The following PCSK5 variants were observed in gnomAD, a reference collection of about 807,000 sequenced individuals.
The protein encoded by PCSK5 is proprotein convertase subtilisin/kexin type 5, also known as prohormone convertase 5.
A neutral mutation model predicts 233.2 loss-of-function variants in PCSK5; 129 were observed. That is an observed-to-expected ratio of 0.55 (90% CI 0.48 to 0.64). The LOEUF (loss-of-function observed/expected upper bound fraction) is 0.64, where lower values mean the gene tolerates loss of function less well. Among genes scored for constraint, PCSK5 ranks in the 30% least tolerant of loss-of-function variants. The pLI, the probability that PCSK5 is intolerant of heterozygous loss-of-function variation, is 0.00. For missense variants in PCSK5, 2,076 were observed against 2,430.1 expected, an observed-to-expected ratio of 0.85 and a Z score of 3.06; for synonymous variants, 825 against 879.2, an observed-to-expected ratio of 0.94 and a Z score of 1.09.
At chr9:76,348,466 C>T (rs550406573) in intron 35 of PCSK5, among the ~76,000 whole-genome samples, 4 of 152,080 alleles carry the variant, frequency 2.6e-5, no homozygotes, top group Non-Finnish European at 4.4e-5. Flanking sequence ...CCTGTAATCC[C>T]AGCTACTCAG....
intron 24 of PCSK5, among the ~76,000 whole-genome samples, chr9:76,260,534 ATG>A (rs1271518434): frequency 6.6e-6 from 1 of 152,220 alleles, no homozygotes; most frequent in African/African-American, 2.4e-5. Context: ...AAGCCAAAAA[ATG>A]CAGGTGGCAT....
rs564417646 is a variant in PCSK5 at position 76,115,785 on chromosome 9, T to C, written c.1208+8434T>C. Among the ~76,000 whole-genome samples the C allele has an allele frequency of 6.6e-5, 10 of 152,248 alleles. No homozygotes were observed. The East Asian group carries it at 1.9e-3, about 29-fold the overall frequency. On this transcript the variant is annotated intron_variant, in intron 9 of 37. Coordinates refer to ENST00000674117, the MANE Select transcript of PCSK5 (RefSeq NM_001372043.1). ...CATCAAATATTGCTGTTTTTGTATT[T>C]GAAAATTCTCAGATTATATTCCTCT...
intron 24 of PCSK5, among the ~76,000 whole-genome samples, chr9:76,282,390 A>T (rs1317969541): frequency 8.4e-6 from 1 of 119,500 alleles, no homozygotes; most frequent in Non-Finnish European, 1.7e-5. Context: ...TGCAATCTTG[A>T]CTCACTGCAG....
At chr9:76,078,335 T>A (rs569921265) in intron 7 of PCSK5, among the ~76,000 whole-genome samples, 1 of 152,314 alleles carries the variant, frequency 6.6e-6, no homozygotes, top group Admixed American at 6.5e-5. Context: ...GAGAACCTGG[T>A]CACAAATTCT....
chr9:75,937,925 A>G lies in PCSK5; in HGVS notation c.297+5442A>G, dbSNP rs568865534. On this transcript the variant is annotated intron_variant, in intron 2 of 37. Coordinates refer to ENST00000674117, the MANE Select transcript of PCSK5 (RefSeq NM_001372043.1). ...TTGGAGAGTTAGGGCATTGCTCTGG[A>G]TTAGGCTTTGGCTGAAGGAAATGTT... 2.3e-4 allele frequency among the ~76,000 whole-genome samples: 35 copies of G among 152,268 alleles called. No homozygotes were observed. The East Asian group carries it at 5.8e-3, about 25-fold the overall frequency.
chr9:75,944,160 C>A, intron 2 of PCSK5, among the ~76,000 whole-genome samples: 1 of 150,192 alleles, frequency 6.7e-6, no homozygotes, highest in African/African-American at 2.5e-5. Flanking sequence ...GAGACTCTAT[C>A]TCAAAAAAGA....
chr9:76,297,916 C>G (rs147203663), intron 27 of PCSK5, among the ~76,000 whole-genome samples: 1 of 152,122 alleles, frequency 6.6e-6, no homozygotes, highest in African/African-American at 2.4e-5. Flanking sequence ...GCTCAGAGAC[C>G]GTGGAAAGCC....
chr9:76,289,509 A>ACACACACG (rs1194758927), intron 24 of PCSK5, among the ~76,000 whole-genome samples: 1 of 114,826 alleles, frequency 8.7e-6, no homozygotes, highest in African/African-American at 3.6e-5. Context: ...ACACACACAC[A>ACACACACG]CGCAACATAC....
At chr9:76,060,871 C>T (rs776758505) in intron 5 of PCSK5, among the ~76,000 whole-genome samples, 21 of 151,990 alleles carry the variant, frequency 1.4e-4, no homozygotes, top group Non-Finnish European at 2.9e-4. Flanking sequence ...TATCAGTAAA[C>T]ACAGTTACTA....
chr9:76,279,694 G>A (rs1323966058), intron 24 of PCSK5, among the ~76,000 whole-genome samples: 7 of 151,882 alleles, frequency 4.6e-5, no homozygotes, highest in African/African-American at 1.7e-4. Flanking sequence ...CATGTTTTTT[G>A]GCTGCATAAA....
intron 2 of PCSK5, among the ~76,000 whole-genome samples, chr9:75,969,919 G>A (rs2131362428): frequency 6.6e-6 from 1 of 150,530 alleles, no homozygotes; most frequent in East Asian, 2.0e-4. Flanking sequence ...TGTCACTCAG[G>A]CTGGAGTTCA....
intron 1 of PCSK5, among the ~76,000 whole-genome samples, chr9:75,899,056 T>C (rs543068576): frequency 2.6e-5 from 4 of 152,270 alleles, no homozygotes; most frequent in African/African-American, 9.6e-5. Flanking sequence ...ACAGGAGCCA[T>C]GACAATGGAA....
At chr9:75,900,734 G>A (rs1348079501) in intron 1 of PCSK5, among the ~76,000 whole-genome samples, 5 of 146,424 alleles carry the variant, frequency 3.4e-5, no homozygotes, top group South Asian at 2.1e-4. Flanking sequence ...GCAGTAAATC[G>A]GTTCACCCCA....
intron 20 of PCSK5, chr9:76,193,320 C>A: frequency 6.2e-7 from 1 of 1,612,340 alleles, no homozygotes; most frequent in Non-Finnish European, 8.5e-7. Context: ...TCTTCAACAA[C>A]TTTGCTGCAA....
At chr9:75,921,304 C>T (rs564678981) in intron 1 of PCSK5, among the ~76,000 whole-genome samples, 7 of 152,104 alleles carry the variant, frequency 4.6e-5, no homozygotes, top group African/African-American at 1.2e-4. Flanking sequence ...ATTGGTCCTT[C>T]GGCATTAGTA....
At chr9:76,028,529 G>A (rs1355851798) in intron 5 of PCSK5, among the ~76,000 whole-genome samples, 1 of 152,108 alleles carries the variant, frequency 6.6e-6, no homozygotes, top group Admixed American at 6.6e-5. Flanking sequence ...GTTCCTGGGT[G>A]GGATGGCAGA....
In PCSK5 at chr9:76,041,843, GA is replaced by G. The variant is rs66491707; in HGVS notation, c.632+14822del. Among the ~76,000 whole-genome samples the G allele has an allele frequency of 4.0e-3, 526 of 130,978 alleles. 1 individual carries two copies. The highest frequency in any genetic ancestry group is 8.0e-3 in the African/African-American group (292 of 36,498). 85.9% of individuals were successfully genotyped at this position (130,978 alleles called of 152,430 possible). A position where few individuals can be genotyped will look rare whatever the true frequency, so the allele number is the denominator to read the frequency against. ...GACAGAGCAAGACTCTGTCTCAAGG[GA>G]AAAAAAAAAAAAAAAGATTTTATAA... is the stretch of plus-strand genomic sequence containing the variant. On this transcript the variant is annotated intron_variant, in intron 5 of 37. Coordinates refer to ENST00000674117, the MANE Select transcript of PCSK5 (RefSeq NM_001372043.1).
At position 76,025,988 on chromosome 9, in the gene PCSK5, A is replaced by G. The variant is rs181522508; in HGVS notation, c.556-973A>G. On this transcript the variant is annotated intron_variant, in intron 4 of 37. Coordinates refer to ENST00000674117, the MANE Select transcript of PCSK5 (RefSeq NM_001372043.1). Reference sequence around the variant, plus strand: ...TGTGATGGCACCTGCCTGTAGTCTCACCTACTCAGGAGCTGAGGCAGGAAG... The same window carrying G: ...TGTGATGGCACCTGCCTGTAGTCTCGCCTACTCAGGAGCTGAGGCAGGAAG... Among the ~76,000 whole-genome samples, 196 of 152,220 alleles carry G rather than the reference A, an allele frequency of 1.3e-3. 1 individual carries two copies. Among genetic ancestry groups the G allele is most frequent in the Non-Finnish European group, 2.5e-3 (167 of 68,008 alleles).
At chr9:75,985,849 G>C (rs966937158) in intron 2 of PCSK5, among the ~76,000 whole-genome samples, 2 of 152,086 alleles carry the variant, frequency 1.3e-5, no homozygotes, top group Admixed American at 6.5e-5. Context: ...TAATAAATTG[G>C]AAGTAAAATA....
Sources: allele counts gnomAD v4.1 joint callset (sites outside exome capture counted in the v4.1 genomes callset), GRCh38; gene constraint gnomAD v4.1.1; transcripts MANE v1.5; gene names NCBI Gene and HGNC (gene_info 2026-07-23, HGNC 2026-07-21).